ST7: variants seen among roughly 807,000 people sequenced by gnomAD.
ST7 encodes suppressor of tumorigenicity 7 protein.
ST7 carries 28 observed loss-of-function variants against 78.7 expected under a neutral mutation model. The observed-to-expected ratio is 0.36, with a 90% CI of 0.26 to 0.49. The LOEUF (loss-of-function observed/expected upper bound fraction) is 0.49, where lower values mean the gene tolerates loss of function less well. ST7 is among the 20% of genes least tolerant of loss of function. ST7 has a pLI of 0.99. For missense variants in ST7, 418 were observed against 696.0 expected (o/e 0.60, Z 4.49); for synonymous variants, 247 against 249.6 (o/e 0.99, Z 0.10).
At chr7:117,133,537 C>T (rs1212853923) in intron 6 of ST7, among the ~76,000 whole-genome samples, 1 of 151,492 alleles carries the variant, frequency 6.6e-6, no homozygotes, top group African/African-American at 2.4e-5. Flanking sequence ...AACAATAAAC[C>T]TTCCTTGTTT....
intron 15 of ST7, among the ~76,000 whole-genome samples, chr7:117,224,962 C>A (rs1276757908): frequency 6.6e-6 from 1 of 152,188 alleles, no homozygotes; most frequent in Non-Finnish European, 1.5e-5. Flanking sequence ...TGAGGCCTGT[C>A]CCCACAACCG....
At chr7:117,103,900 C>T (rs920942213) in intron 2 of ST7, among the ~76,000 whole-genome samples, 6 of 151,958 alleles carry the variant, frequency 3.9e-5, no homozygotes, top group Non-Finnish European at 8.8e-5. Context: ...ATAGCAAAAC[C>T]GCAAATAATC....
chr7:117,167,049 G>C (rs1053195307), intron 9 of ST7, among the ~76,000 whole-genome samples: 1 of 144,996 alleles, frequency 6.9e-6, no homozygotes, highest in Non-Finnish European at 1.5e-5. Context: ...AGATGGTAAT[G>C]ATTCTTTTTT....
chr7:116,973,846 G>A lies in ST7; in HGVS notation c.151+20155G>A, dbSNP rs138295544. On this transcript the variant is annotated intron_variant, in intron 1 of 15. Transcript: ENST00000323984. ...ATTGTTATATAGTATTTCATTGCATGAGTATACCATGGCATATCCATTTTA... is the reference window on the plus strand; with the variant it reads ...ATTGTTATATAGTATTTCATTGCATAAGTATACCATGGCATATCCATTTTA... 3.8e-3 allele frequency among the ~76,000 whole-genome samples: 581 copies of A among 152,256 alleles called. 2 individuals carry two copies. The highest frequency in any genetic ancestry group is 0.013 in the African/African-American group (543 of 41,536).
intron 9 of ST7, among the ~76,000 whole-genome samples, chr7:117,153,041 G>A (rs1010842452): frequency 1.3e-5 from 2 of 152,186 alleles, no homozygotes; most frequent in African/African-American, 4.8e-5. Flanking sequence ...CAATTTGTGA[G>A]ATTTAAGAGG....
intron 1 of ST7, among the ~76,000 whole-genome samples, chr7:117,036,607 T>C (rs949713720): frequency 6.6e-6 from 1 of 152,292 alleles, no homozygotes; most frequent in South Asian, 2.1e-4. Flanking sequence ...AAGGCCCCTT[T>C]TGGGAGAACC....
At chr7:117,180,400 T>A (rs868270036) in intron 10 of ST7, among the ~76,000 whole-genome samples, 2 of 152,322 alleles carry the variant, frequency 1.3e-5, no homozygotes, top group Admixed American at 6.5e-5. Context: ...TAAATCTCAC[T>A]TGCTAAAATC....
Position 117,190,686 on chromosome 7 carries a change from G to A in ST7, c.1152-148G>A. 1 of 615,176 alleles carries A rather than the reference G, an allele frequency of 1.6e-6. No individual in the cohort carries two copies. The highest frequency in any genetic ancestry group is 2.1e-5 in the South Asian group (1 of 48,678). The allele number at this position is 615,176 out of a possible 1,614,324, so 38.1% of individuals were successfully genotyped here. Reference sequence around the variant, plus strand: ...GTTTTTGCTGGCCTCGGTCCGTGGGGTCACTCAGAGGTTCCATGCAGTAGA... The same window carrying A: ...GTTTTTGCTGGCCTCGGTCCGTGGGATCACTCAGAGGTTCCATGCAGTAGA... On this transcript the variant is annotated intron_variant, in intron 11 of 15. Coordinates refer to ENST00000323984, the MANE Select transcript of ST7 (RefSeq NM_001369598.1). This position sits in a 1 kb window ranked among gnomAD's most constrained non-coding sequence, Gnocchi z 5.2.
At chr7:117,199,423 C>T (rs1281257876) in intron 12 of ST7, among the ~76,000 whole-genome samples, 2 of 152,186 alleles carry the variant, frequency 1.3e-5, no homozygotes, top group African/African-American at 4.8e-5. Flanking sequence ...CATTTTCTCC[C>T]TCAGCTGGAA....
intron 1 of ST7, among the ~76,000 whole-genome samples, chr7:117,068,370 T>A (rs1382026653): frequency 1.3e-5 from 2 of 152,228 alleles, no homozygotes; most frequent in Non-Finnish European, 2.9e-5. Flanking sequence ...ACAGAGTAAT[T>A]TGTTTACAAA....
intron 9 of ST7, among the ~76,000 whole-genome samples, chr7:117,143,025 C>A (rs1252786237): frequency 3.3e-5 from 5 of 152,042 alleles, no homozygotes; most frequent in African/African-American, 1.2e-4. Context: ...GCTGTTTTGC[C>A]CAAATGAGAT....
At chr7:117,084,893 T>C (rs76767248) in intron 1 of ST7, among the ~76,000 whole-genome samples, 2,394 of 152,324 alleles carry the variant, frequency 0.016, 47 homozygotes, top group East Asian at 0.049. Flanking sequence ...TATTTTATGT[T>C]TTTACTTTTC....
chr7:116,975,352 A>T (rs1044749578), intron 1 of ST7, among the ~76,000 whole-genome samples: 5 of 152,192 alleles, frequency 3.3e-5, no homozygotes, highest in African/African-American at 4.8e-5. Flanking sequence ...ACAATTAAAG[A>T]TGAGATTTGG....
At chr7:117,063,718 T>C (rs1798480077) in intron 1 of ST7, among the ~76,000 whole-genome samples, 2 of 152,096 alleles carry the variant, frequency 1.3e-5, no homozygotes, top group African/African-American at 4.8e-5. Context: ...CAAAATAAAA[T>C]AAAATAAAAT....
intron 1 of ST7, among the ~76,000 whole-genome samples, chr7:116,965,582 AT>A (rs1793069801): frequency 6.6e-6 from 1 of 152,266 alleles, no homozygotes; most frequent in Non-Finnish European, 1.5e-5. Context: ...TATAATAAAA[AT>A]TTTTTTAAAA....
intron 1 of ST7, among the ~76,000 whole-genome samples, chr7:117,036,488 A>G (rs1796903867): frequency 6.6e-6 from 1 of 152,052 alleles, no homozygotes. Flanking sequence ...TATTTTGTTT[A>G]TTTGATTTTG....
intron 12 of ST7, among the ~76,000 whole-genome samples, chr7:117,201,963 T>TGAGAGA (rs1445267073): frequency 1.3e-5 from 1 of 76,020 alleles, no homozygotes; most frequent in African/African-American, 4.3e-5. Flanking sequence ...GAAGCTATCT[T>TGAGAGA]TTTTTTTTTT....
chr7:117,050,487 G>A (rs541048406), intron 1 of ST7, among the ~76,000 whole-genome samples: 26 of 152,228 alleles, frequency 1.7e-4, no homozygotes, highest in African/African-American at 5.5e-4. Context: ...TCCTGACTGC[G>A]GATGGTGCCA....
At chr7:116,958,970 C>T (rs1035190766) in intron 1 of ST7, among the ~76,000 whole-genome samples, 3 of 152,104 alleles carry the variant, frequency 2.0e-5, no homozygotes, top group South Asian at 2.1e-4. Context: ...ATAAGACAAC[C>T]GTAAAGTTTG....
Sources: gnomAD v4.1 joint callset for allele counts (sites outside exome capture counted in the v4.1 genomes callset) on GRCh38, gnomAD v4.1.1 for gene constraint, Gnocchi (gnomAD v3.1) non-coding constraint, MANE v1.5 for transcripts, NCBI Gene and HGNC (gene_info 2026-07-23, HGNC 2026-07-21) for gene names.